Variants in PDZRN3 observed in about 807,000 individuals in gnomAD.
PDZRN3 encodes the protein PDZ domain containing ring finger 3.
In PDZRN3, 38 loss-of-function variants were observed where a neutral mutation model predicts 85.7. The ratio of observed to expected loss-of-function variants is 0.44; its 90% CI spans 0.34 to 0.58. The LOEUF (loss-of-function observed/expected upper bound fraction) is 0.58. Ranked by LOEUF, PDZRN3 falls within the 20% of genes least tolerant of loss-of-function variation. PDZRN3 has a pLI of 0.01. For missense variants in PDZRN3, 1,629 were observed against 1,506.4 expected, an observed-to-expected ratio of 1.08 and a Z score of -1.35; for synonymous variants, 759 against 638.0, an observed-to-expected ratio of 1.19 and a Z score of -2.86.
chr3:73,448,068 T>C (rs570197317), intron 3 of PDZRN3, among the ~76,000 whole-genome samples: 1 of 152,328 alleles, frequency 6.6e-6, no homozygotes, highest in East Asian at 1.9e-4. Flanking sequence ...GAGTTCAACC[T>C]ATTAGAAATG....
In PDZRN3 at chr3:73,384,448, G is replaced by A. The variant is rs1260187567; in HGVS notation, c.2118C>T (p.His706=). ...ELECLSIVRA[H]KMQQLKEQYR... ...ACTGCTCCTTGAGCTGCTGCATCTT[G>A]TGGGCGCGCACGATGCTCAGGCACT... The change falls in exon 10 of 10, where the codon CAC becomes CAT. Residue 706 remains histidine (H), a synonymous_variant. Transcript: ENST00000263666. 3 of 1,612,268 alleles carry A rather than the reference G, an allele frequency of 1.9e-6. No individual in the cohort carries two copies. In the South Asian group the frequency reaches 3.3e-5, roughly 18 times the overall value.
chr3:73,453,246 A>G (rs974349859), intron 3 of PDZRN3, among the ~76,000 whole-genome samples: 1 of 151,924 alleles, frequency 6.6e-6, no homozygotes, highest in African/African-American at 2.4e-5. Flanking sequence ...TCTCTACTAA[A>G]AACACAAAAA....
chr3:73,394,840 G>A (rs559482465), intron 5 of PDZRN3, among the ~76,000 whole-genome samples: 1 of 152,210 alleles, frequency 6.6e-6, no homozygotes, highest in Non-Finnish European at 1.5e-5. Flanking sequence ...ATCCATAATA[G>A]GCTTTCAGAA....
At chr3:73,502,954 T>A (rs1704009452) in intron 3 of PDZRN3, among the ~76,000 whole-genome samples, 1 of 152,198 alleles carries the variant, frequency 6.6e-6, no homozygotes, top group African/African-American at 2.4e-5. Flanking sequence ...AAGTAAGAAT[T>A]TGCAAGAGAC....
intron 3 of PDZRN3, among the ~76,000 whole-genome samples, chr3:73,512,815 A>G (rs1704192045): frequency 1.3e-5 from 2 of 152,306 alleles, no homozygotes; most frequent in Admixed American, 1.3e-4. Flanking sequence ...AATGTTTTTA[A>G]AAGCTGTTTT....
rs1461110868 is a variant in PDZRN3 at position 73,506,901 on chromosome 3, AAAAAAAAAC to A, written c.918+95444_918+95452del. On this transcript the variant is annotated intron_variant, in intron 3 of 9. Coordinates refer to ENST00000263666, the MANE Select transcript of PDZRN3 (RefSeq NM_015009.3). The stretch of plus-strand genomic sequence containing the variant: ...AGCCCAGGTGACCATGTCTCAAAAA[AAAAAAAAAC>A]AAAAAAACAAAAAAAACTTCAACCC... Among the ~76,000 whole-genome samples the A allele has an allele frequency of 2.7e-3, 415 of 151,904 alleles. 2 individuals carry two copies. The highest frequency in any genetic ancestry group is 4.7e-3 in the Non-Finnish European group (322 of 67,940).
At chr3:73,519,361 A>G (rs1197820328) in intron 3 of PDZRN3, among the ~76,000 whole-genome samples, 1 of 152,210 alleles carries the variant, frequency 6.6e-6, no homozygotes, top group Non-Finnish European at 1.5e-5. Flanking sequence ...TGCCAGCACG[A>G]AGGCTATTTT....
At chr3:73,397,464 G>A (rs1701662807) in intron 5 of PDZRN3, among the ~76,000 whole-genome samples, 1 of 152,200 alleles carries the variant, frequency 6.6e-6, no homozygotes, top group Non-Finnish European at 1.5e-5. Flanking sequence ...GAAATCTCGT[G>A]TAGAAGCAGG....
intron 4 of PDZRN3, chr3:73,402,561 G>A (rs1575625172): frequency 6.6e-6 from 1 of 152,246 alleles, no homozygotes; most frequent in African/African-American, 2.4e-5. Context: ...TGCACACTGT[G>A]AGTGAATGTG....
At chr3:73,445,694 C>T (rs1702733094) in intron 3 of PDZRN3, among the ~76,000 whole-genome samples, 1 of 152,164 alleles carries the variant, frequency 6.6e-6, no homozygotes, top group Admixed American at 6.5e-5. Flanking sequence ...TATAACAACT[C>T]AATACACTTG....
At chr3:73,498,884 G>A (rs959234884) in intron 3 of PDZRN3, among the ~76,000 whole-genome samples, 12 of 152,008 alleles carry the variant, frequency 7.9e-5, no homozygotes, top group African/African-American at 2.7e-4. Context: ...TGCCTGGCCC[G>A]TATGTTAACT....
chr3:73,462,938 C>T (rs933049739), intron 3 of PDZRN3, among the ~76,000 whole-genome samples: 66 of 152,232 alleles, frequency 4.3e-4, no homozygotes, highest in Non-Finnish European at 7.3e-4. Context: ...GTCTGTCTTG[C>T]TTCCAAACCC....
intron 3 of PDZRN3, among the ~76,000 whole-genome samples, chr3:73,526,671 TTGTTGTTGTTGTTGC>T (rs1373553409): frequency 3.8e-4 from 58 of 152,084 alleles, no homozygotes; most frequent in African/African-American, 1.3e-3. Context: ...TTTGTCTTAG[TTGTTGTTGTTGTTGC>T]TGTTGTTGTT....
chr3:73,392,778 G>T (rs987100235), intron 5 of PDZRN3, among the ~76,000 whole-genome samples: 2 of 152,114 alleles, frequency 1.3e-5, no homozygotes, highest in African/African-American at 4.8e-5. Context: ...TAGCAATATG[G>T]TAAGTTCTTA....
chr3:73,480,419 G>C (rs1032247425), intron 3 of PDZRN3, among the ~76,000 whole-genome samples: 12 of 152,118 alleles, frequency 7.9e-5, no homozygotes, highest in African/African-American at 2.9e-4. Flanking sequence ...TCAGACCTTT[G>C]GTTTTCTGCA....
At chr3:73,389,628 C>G (rs1378596084) in intron 7 of PDZRN3, among the ~76,000 whole-genome samples, 188 bp downstream of exon 7, 1 of 152,166 alleles carries the variant, frequency 6.6e-6, no homozygotes, top group Non-Finnish European at 1.5e-5. Flanking sequence ...TCACCACTCC[C>G]TCTTGCGTCT....
chr3:73,523,612 A>G (rs995217145), intron 3 of PDZRN3, among the ~76,000 whole-genome samples: 1 of 152,226 alleles, frequency 6.6e-6, no homozygotes, highest in Non-Finnish European at 1.5e-5. Flanking sequence ...CTATGAAAAA[A>G]TATTTACTAC....
intron 6 of PDZRN3, among the ~76,000 whole-genome samples, 160 bp downstream of exon 6, chr3:73,390,858 C>T (rs539719017): frequency 1.3e-5 from 2 of 151,852 alleles, no homozygotes; most frequent in African/African-American, 4.8e-5. Context: ...ACTTAACCTC[C>T]GTGGAAAGAT....
rs1702320716 is a variant in PDZRN3 at position 73,589,271 on chromosome 3, C to G, written c.918+13083G>C. On this transcript the variant is annotated intron_variant, in intron 3 of 9. Transcript: ENST00000263666. ...ATGAAAGGAAGAACATTGAATTTCTCTCATCTATCTCTACTATTTTAAGTT... is the reference window on the plus strand; with the variant it reads ...ATGAAAGGAAGAACATTGAATTTCTGTCATCTATCTCTACTATTTTAAGTT... 2.0e-5 allele frequency among the ~76,000 whole-genome samples: 3 copies of G among 152,252 alleles called. No homozygotes were observed. In the South Asian group the frequency reaches 6.2e-4, roughly 32 times the overall value.
Sources: allele counts gnomAD v4.1 joint callset (sites outside exome capture counted in the v4.1 genomes callset), GRCh38; gene constraint gnomAD v4.1.1; transcripts MANE v1.5; gene names NCBI Gene and HGNC (gene_info 2026-07-23, HGNC 2026-07-21).